Variants in REC114 observed in about 807,000 individuals in gnomAD.
The protein encoded by REC114 is REC114 meiotic recombination protein, also known as meiotic recombination protein REC114.
REC114 carries 27 observed loss-of-function variants against 31.3 expected under a neutral mutation model. That is an observed-to-expected ratio of 0.86 (90% confidence interval 0.64 to 1.19). The LOEUF is 1.19. REC114 is among the 50% of genes most tolerant of loss of function. REC114 has a pLI of 0.00. For synonymous variants in REC114, 134 were observed against 127.7 expected (o/e 1.05, Z -0.33); for missense variants, 344 against 326.9 (o/e 1.05, Z -0.40).
chr15:73,462,884 C>CAAAAAAAAAA (rs769569268), intron 1 of REC114, among the ~76,000 whole-genome samples: 594 of 55,610 alleles, frequency 0.011, 58 homozygotes, highest in African/African-American at 0.04. Context: ...GACTCCGTCT[C>CAAAAAAAAAA]AAAAAAAAAA....
chr15:73,548,958 A>C (rs547421577), intron 3 of REC114, among the ~76,000 whole-genome samples: 1 of 152,226 alleles, frequency 6.6e-6, no homozygotes, highest in South Asian at 2.1e-4. Flanking sequence ...GTTCTCACTT[A>C]TAAGTGGGAG....
At chr15:73,507,524 G>A (rs1282008245) in intron 2 of REC114, among the ~76,000 whole-genome samples, 2 of 152,138 alleles carry the variant, frequency 1.3e-5, no homozygotes, top group African/African-American at 4.8e-5. Context: ...TATCCCTAGG[G>A]AGGGGACCTA....
chr15:73,486,571 G>T (rs1264735802), intron 2 of REC114, among the ~76,000 whole-genome samples: 1 of 152,168 alleles, frequency 6.6e-6, no homozygotes, highest in East Asian at 1.9e-4. Flanking sequence ...ACCATAGACT[G>T]AGCATTTTAT....
Position 73,488,495 on chromosome 15 carries a change from C to T in REC114, c.249+14574C>T, listed in dbSNP as rs185619797. Among the ~76,000 whole-genome samples the T allele has an allele frequency of 2.0e-5, 3 of 152,288 alleles. No homozygotes were observed. The East Asian group carries it at 5.8e-4, about 29-fold the overall frequency. On this transcript the variant is annotated intron_variant, in intron 2 of 5. Transcript: ENST00000331090. ...GCAGTTAAGAGAGTCCATACAGCACCTAGAGTATTTTGCTCAGAGATTTCT... is the reference window on the plus strand; with the variant it reads ...GCAGTTAAGAGAGTCCATACAGCACTTAGAGTATTTTGCTCAGAGATTTCT...
intron 2 of REC114, among the ~76,000 whole-genome samples, chr15:73,539,048 G>T (rs117791165): frequency 1.3e-5 from 2 of 151,834 alleles, no homozygotes; most frequent in Non-Finnish European, 2.9e-5. Context: ...ATTGCCCTCC[G>T]TAAGCATTGT....
chr15:73,535,935 C>T (rs1268902086), intron 2 of REC114, among the ~76,000 whole-genome samples: 1 of 150,196 alleles, frequency 6.7e-6, no homozygotes, highest in Non-Finnish European at 1.5e-5. Context: ...AAAGGATTCC[C>T]TATTTAATAA....
In REC114 at chr15:73,522,074, TTGATA is replaced by T. The variant is rs138889901; in HGVS notation, c.250-18407_250-18403del. On this transcript the variant is annotated intron_variant, in intron 2 of 5. Transcript: ENST00000331090. ...GAAGTAGAAAAAGTAGATGATCATT[TTGATA>T]TGAATTTTTAGCTTAGCAGAAAAGG... 7.3e-3 allele frequency among the ~76,000 whole-genome samples: 1,115 copies of T among 152,294 alleles called. 22 individuals are homozygous for T. The highest frequency in any genetic ancestry group is 0.026 in the African/African-American group (1,064 of 41,562).
At chr15:73,462,574 C>T (rs1567852385) in intron 1 of REC114, among the ~76,000 whole-genome samples, 1 of 152,072 alleles carries the variant, frequency 6.6e-6, no homozygotes, top group East Asian at 1.9e-4. Context: ...TACACGTATG[C>T]ATCATCTAGC....
At chr15:73,455,344 T>G (rs7182747) in intron 1 of REC114, among the ~76,000 whole-genome samples, 3,071 of 152,286 alleles carry the variant, frequency 0.02, 127 homozygotes, top group African/African-American at 0.07. Flanking sequence ...TAGTTGTTTT[T>G]TCTTTAGGGA....
At chr15:73,474,013 C>T in intron 2 of REC114, 92 bp downstream of exon 2, 1 of 783,312 alleles carries the variant, frequency 1.3e-6, no homozygotes, top group Non-Finnish European at 2.1e-6. Context: ...TCTTCAGTCT[C>T]ACTGTAATTC....
chr15:73,499,454 G>A (rs530798507), intron 2 of REC114, among the ~76,000 whole-genome samples: 3 of 151,834 alleles, frequency 2.0e-5, no homozygotes, highest in African/African-American at 4.8e-5. Context: ...GGTAGTTTTC[G>A]ACAAATCATA....
intron 2 of REC114, among the ~76,000 whole-genome samples, chr15:73,528,702 A>G (rs1307811582): frequency 6.6e-6 from 1 of 152,236 alleles, no homozygotes; most frequent in East Asian, 1.9e-4. Context: ...TTGTTGGAAC[A>G]CAGCCATGCT....
At chr15:73,449,372 T>C (rs1165123794) in intron 1 of REC114, among the ~76,000 whole-genome samples, 2 of 152,094 alleles carry the variant, frequency 1.3e-5, no homozygotes, top group Middle Eastern at 3.4e-3. Flanking sequence ...AGTAGCTGAA[T>C]TGATCAAGCA....
intron 3 of REC114, among the ~76,000 whole-genome samples, chr15:73,542,603 C>G (rs1894255438): frequency 6.6e-6 from 1 of 152,092 alleles, no homozygotes. Context: ...TGTCATGGAC[C>G]AGTGTAATAT....
chr15:73,494,112 T>C (rs1359712265), intron 2 of REC114, among the ~76,000 whole-genome samples: 2 of 152,232 alleles, frequency 1.3e-5, no homozygotes, highest in African/African-American at 2.4e-5. Flanking sequence ...CACAATACCA[T>C]GTCTTGCATA....
At chr15:73,553,464 G>T (rs1894419798) in intron 4 of REC114, among the ~76,000 whole-genome samples, 2 of 152,160 alleles carry the variant, frequency 1.3e-5, no homozygotes, top group South Asian at 4.1e-4. Context: ...ATGTTTCACT[G>T]CCTGTTAGAT....
At position 73,556,298 on chromosome 15, in the gene REC114, C is replaced by G; in HGVS notation, c.547-4C>G. 6 of 1,611,858 alleles carry G rather than the reference C, an allele frequency of 3.7e-6. No homozygotes were observed. Among genetic ancestry groups the G allele is most frequent in the Non-Finnish European group, 5.1e-6 (6 of 1,179,054 alleles). On this transcript the variant is annotated splice_region_variant and splice_polypyrimidine_tract_variant and intron_variant, in intron 4 of 5. Transcript: ENST00000331090. ...TCTCCTTATTGCATGTTGTTTTATT[C>G]CAGTCCCACCAGCACTCAGAACAAC...
chr15:73,539,903 C>T (rs1318247161), intron 2 of REC114, among the ~76,000 whole-genome samples: 1 of 152,170 alleles, frequency 6.6e-6, no homozygotes, highest in Non-Finnish European at 1.5e-5. Context: ...TATCTTTTCA[C>T]TTTATGGATC....
intron 2 of REC114, among the ~76,000 whole-genome samples, chr15:73,508,056 T>C (rs138028518): frequency 2.6e-5 from 4 of 152,302 alleles, no homozygotes; most frequent in East Asian, 3.9e-4. Flanking sequence ...TTAATCATAA[T>C]CAGTGGCTTT....
Sources: gnomAD v4.1 joint callset for allele counts (sites outside exome capture counted in the v4.1 genomes callset) on GRCh38, gnomAD v4.1.1 for gene constraint, MANE v1.5 for transcripts, NCBI Gene and HGNC (gene_info 2026-07-23, HGNC 2026-07-21) for gene names.